MBD5: variants seen among roughly 807,000 people sequenced by gnomAD.
MBD5 encodes the protein methyl-CpG binding domain protein 5.
In MBD5, 13 loss-of-function variants were observed where a neutral mutation model predicts 117.3. That is an observed-to-expected ratio of 0.11 (90% CI 0.07 to 0.18). The LOEUF (loss-of-function observed/expected upper bound fraction) is 0.18, where lower values mean the gene tolerates loss of function less well. MBD5 is among the 10% of genes least tolerant of loss of function. The pLI is 1.00. For missense variants in MBD5, 1,879 were observed against 2,093.8 expected, an observed-to-expected ratio of 0.90 and a Z score of 2.00; for synonymous variants, 727 against 766.4, an observed-to-expected ratio of 0.95 and a Z score of 0.85.
chr2:148,237,501 G>A lies in MBD5; in HGVS notation c.-680+4106G>A, dbSNP rs554042087. ...AGGGAGAGAGACGGGGAAACAGCCA[G>A]GCATTGGAGTATTCAGAACACACAT... is the stretch of plus-strand genomic sequence containing the variant. On this transcript the variant is annotated intron_variant, in intron 3 of 13. Transcript: ENST00000642680. 3.3e-4 allele frequency among the ~76,000 whole-genome samples: 50 copies of A among 152,264 alleles called. No homozygotes were observed. The South Asian group carries it at 0.01, about 32-fold the overall frequency.
intron 2 of MBD5, among the ~76,000 whole-genome samples, chr2:148,180,783 GCAAAGCAC>G (rs1368763834): frequency 6.6e-6 from 1 of 151,970 alleles, no homozygotes; most frequent in African/African-American, 2.4e-5. Context: ...ACTGGTTCAT[GCAAAGCAC>G]TTCTTGTTTT....
chr2:148,440,376 G>C (rs1353348117), intron 4 of MBD5, among the ~76,000 whole-genome samples: 2 of 152,106 alleles, frequency 1.3e-5, no homozygotes, highest in Non-Finnish European at 2.9e-5. Flanking sequence ...CTGTGTGCCA[G>C]GCACTTTTCT....
At chr2:148,351,483 T>C (rs1409571352) in intron 4 of MBD5, among the ~76,000 whole-genome samples, 1 of 152,116 alleles carries the variant, frequency 6.6e-6, no homozygotes. Flanking sequence ...TGTATGTACA[T>C]ACCATATTTT....
chr2:148,448,742 C>T (rs1301871457), intron 4 of MBD5, among the ~76,000 whole-genome samples: 2 of 151,822 alleles, frequency 1.3e-5, no homozygotes, highest in Non-Finnish European at 2.9e-5. Context: ...TTATTTTATT[C>T]TCATCCTACA....
intron 3 of MBD5, among the ~76,000 whole-genome samples, chr2:148,283,106 G>A (rs1701289770): frequency 6.6e-6 from 1 of 152,066 alleles, no homozygotes; most frequent in African/African-American, 2.4e-5. Flanking sequence ...TAACAGGGAT[G>A]ATAACACTCC....
chr2:148,309,261 C>T (rs1049876527), intron 3 of MBD5, among the ~76,000 whole-genome samples: 13 of 152,110 alleles, frequency 8.5e-5, no homozygotes, highest in South Asian at 4.1e-4. Flanking sequence ...GCCATTTTCA[C>T]GATATTGATT....
At chr2:148,459,662 T>G (rs1707005014) in intron 5 of MBD5, among the ~76,000 whole-genome samples, 1 of 152,216 alleles carries the variant, frequency 6.6e-6, no homozygotes, top group Admixed American at 6.5e-5. Context: ...ATTATTAGAT[T>G]GATGCATTTA....
intron 1 of MBD5, among the ~76,000 whole-genome samples, chr2:148,097,399 C>T (rs539152636): frequency 2.0e-5 from 3 of 152,294 alleles, no homozygotes; most frequent in South Asian, 4.1e-4. Flanking sequence ...CAGGTAGCAA[C>T]GAGTGTGCTA....
chr2:148,384,693 T>A (rs12623249), intron 4 of MBD5, among the ~76,000 whole-genome samples: 8 of 151,498 alleles, frequency 5.3e-5, no homozygotes, highest in East Asian at 1.9e-4. Context: ...GAGGCATCAC[T>A]CTACCTGACT....
At chr2:148,327,460 C>G (rs1332458870) in intron 3 of MBD5, among the ~76,000 whole-genome samples, 1 of 152,246 alleles carries the variant, frequency 6.6e-6, no homozygotes, top group African/African-American at 2.4e-5. Flanking sequence ...TCCATTCTCC[C>G]CATCACTTTC....
intron 3 of MBD5, among the ~76,000 whole-genome samples, chr2:148,332,458 CT>C: frequency 6.6e-6 from 1 of 152,126 alleles, no homozygotes; most frequent in East Asian, 1.9e-4. Flanking sequence ...CTTTCTGCCC[CT>C]GTTTTGAGTT....
chr2:148,101,345 C>G (rs1344753632), intron 1 of MBD5, among the ~76,000 whole-genome samples: 1 of 151,962 alleles, frequency 6.6e-6, no homozygotes, highest in African/African-American at 2.4e-5. Context: ...GCCTATATTA[C>G]TAGTCATTCA....
chr2:148,469,610 G>T lies in MBD5; in HGVS notation c.1667G>T (p.Gly556Val), dbSNP rs750365107. Residue 556 changes from glycine (G) to valine (V), a missense_variant, in exon 8 of 14, where the codon GGT becomes GTT. This residue lies in a region of MBD5 where 1,666 missense variants were observed against 1,792.2 expected (regional missense o/e 0.93). Coordinates refer to ENST00000642680, the MANE Select transcript of MBD5 (RefSeq NM_001378120.1). ...AGTAGTTCTGTAAAGAGTCAGCCTG[G>T]TTTGCTGGGAATGCCTTTAAATCAG... Reference protein sequence around the residue: ...AGSSSVKSQPGLLGMPLNQIL... With the variant: ...AGSSSVKSQPVLLGMPLNQIL... The T allele has an allele frequency of 1.2e-6, 2 of 1,613,928 alleles. No individual in the cohort carries two copies. The highest frequency in any genetic ancestry group is 1.7e-4 in the Middle Eastern group (1 of 6,060).
chr2:148,274,717 G>GTTTT (rs199569391), intron 3 of MBD5, among the ~76,000 whole-genome samples: 6 of 109,850 alleles, frequency 5.5e-5, no homozygotes, highest in Non-Finnish European at 1.2e-4. Context: ...AATTAATTGA[G>GTTTT]TTTTTTTGTT....
At chr2:148,270,382 A>G (rs1257087627) in intron 3 of MBD5, among the ~76,000 whole-genome samples, 1 of 137,602 alleles carries the variant, frequency 7.3e-6, no homozygotes, top group Non-Finnish European at 1.5e-5. Context: ...AACTTCCATT[A>G]CTTCCTTTCT....
chr2:148,075,148 C>T (rs1695475816), intron 1 of MBD5, among the ~76,000 whole-genome samples: 1 of 152,128 alleles, frequency 6.6e-6, no homozygotes, highest in South Asian at 2.1e-4. Context: ...TAGAATAAGG[C>T]AACTAAGGAA....
chr2:148,068,042 G>A (rs1695251348), intron 1 of MBD5, among the ~76,000 whole-genome samples: 1 of 152,200 alleles, frequency 6.6e-6, no homozygotes, highest in Non-Finnish European at 1.5e-5. Flanking sequence ...TCTGTATGTG[G>A]TGACTTATAA....
At chr2:148,486,262 G>C (rs1490317967) in intron 10 of MBD5, among the ~76,000 whole-genome samples, 1 of 151,920 alleles carries the variant, frequency 6.6e-6, no homozygotes, top group Non-Finnish European at 1.5e-5. Flanking sequence ...ATGCCCACCT[G>C]TCCACCCTCT....
At chr2:148,154,162 G>A (rs1182453889) in intron 1 of MBD5, among the ~76,000 whole-genome samples, 1 of 144,940 alleles carries the variant, frequency 6.9e-6, no homozygotes, top group East Asian at 2.1e-4. Flanking sequence ...CTAACAGACA[G>A]GACCCTCAGC....
Sources: allele counts gnomAD v4.1 joint callset (sites outside exome capture counted in the v4.1 genomes callset), GRCh38; gene constraint gnomAD v4.1.1; regional missense constraint gnomAD v4.1.1; transcripts MANE v1.5; gene names NCBI Gene and HGNC (gene_info 2026-07-23, HGNC 2026-07-21).